The following DOCK2 variants were observed in gnomAD, a reference collection of about 807,000 sequenced individuals.
The protein encoded by DOCK2 is dedicator of cytokinesis protein 2.
DOCK2 carries 87 observed loss-of-function variants against 248.9 expected under a neutral mutation model. That is an observed-to-expected ratio of 0.35 (90% CI 0.29 to 0.42). DOCK2 has a LOEUF of 0.42. Ranked by LOEUF, DOCK2 falls within the 10% of genes least tolerant of loss-of-function variation. The pLI is 1.00. For synonymous variants in DOCK2, 805 were observed against 821.6 expected, an observed-to-expected ratio of 0.98 and a Z score of 0.35; for missense variants, 1,747 against 2,300.2, an observed-to-expected ratio of 0.76 and a Z score of 4.92.
intron 26 of DOCK2, among the ~76,000 whole-genome samples, chr5:169,831,868 A>G (rs999698119): frequency 6.6e-6 from 1 of 152,230 alleles, no homozygotes; most frequent in African/African-American, 2.4e-5. Flanking sequence ...GTCAAGGTCA[A>G]TGACCAACAA....
intron 44 of DOCK2, among the ~76,000 whole-genome samples, chr5:170,062,128 T>TGTGTGTGTGTGAGA (rs778077276): frequency 8.7e-5 from 12 of 137,916 alleles, no homozygotes; most frequent in Middle Eastern, 3.8e-3. Context: ...TGTGTGTGTG[T>TGTGTGTGTGTGAGA]GAGAGAGAGA....
At chr5:169,972,582 TAGATGATA>T (rs747225282) in intron 27 of DOCK2, among the ~76,000 whole-genome samples, 860 of 61,442 alleles carry the variant, frequency 0.014, 2 homozygotes, top group African/African-American at 0.032. Flanking sequence ...GATAGATAGA[TAGATGATA>T]GATAGATAGA....
intron 34 of DOCK2, among the ~76,000 whole-genome samples, chr5:170,028,232 G>A (rs1435708694): frequency 1.3e-5 from 2 of 152,192 alleles, no homozygotes; most frequent in African/African-American, 4.8e-5. Flanking sequence ...TCTTAACTGT[G>A]GAATGTGATT....
chr5:170,063,007 C>T (rs1033367240), intron 44 of DOCK2, among the ~76,000 whole-genome samples: 1 of 152,196 alleles, frequency 6.6e-6, no homozygotes, highest in Admixed American at 6.5e-5. Context: ...TTAATCTCTC[C>T]TGGAAGGAGT....
intron 50 of DOCK2, 26 bp from the exon 51 acceptor site, chr5:170,081,816 A>G: frequency 6.8e-7 from 1 of 1,476,028 alleles, no homozygotes; most frequent in Non-Finnish European, 9.0e-7. Flanking sequence ...CCACCCATTC[A>G]CACCCCAGCT....
At chr5:169,682,368 C>A (rs1371190547) in intron 7 of DOCK2, among the ~76,000 whole-genome samples, 1 of 152,206 alleles carries the variant, frequency 6.6e-6, no homozygotes, top group African/African-American at 2.4e-5. Flanking sequence ...GAGGGCACAG[C>A]AGGTGCAAAG....
chr5:169,674,204 T>C, intron 5 of DOCK2, 93 bp from the exon 6 acceptor site: 2 of 1,519,688 alleles, frequency 1.3e-6, no homozygotes, highest in Admixed American at 3.8e-5. Context: ...GCCATGGCCC[T>C]TGACCACACT....
chr5:169,932,397 A>G (rs1372088584), intron 27 of DOCK2, among the ~76,000 whole-genome samples: 2 of 152,142 alleles, frequency 1.3e-5, no homozygotes. Flanking sequence ...CAGGTAGGTG[A>G]CATGAAGTAG....
rs1554127501 is a variant in DOCK2 at position 170,034,459 on chromosome 5, C to T, written c.3528C>T (p.Asn1176=). ...TIAKSVENFV[N]LVKGLLEKLL... The stretch of plus-strand genomic sequence containing the variant: ...CCAAGTCGGTGGAGAACTTCGTGAA[C>T]CTGGTCAAAGGCCTCCTGGAGAAGC... Residue 1176 remains asparagine, a synonymous_variant, in exon 35 of 52, where the codon AAC becomes AAT. Transcript: ENST00000520908. 6.2e-7 allele frequency: 1 copy of T among 1,614,166 alleles called. No homozygotes were observed. Among genetic ancestry groups the T allele is most frequent in the Non-Finnish European group, 8.5e-7 (1 of 1,180,022 alleles).
At position 169,950,032 on chromosome 5, in the gene DOCK2, T is replaced by G. The variant is rs368406048; in HGVS notation, c.2800-33036T>G. ...GTTCTGCGTTTGAGGGGATCACAGATGCTTCCCACTGAGGGATCCAGTGCC... is the reference window on the plus strand; with the variant it reads ...GTTCTGCGTTTGAGGGGATCACAGAGGCTTCCCACTGAGGGATCCAGTGCC... On this transcript the variant is annotated intron_variant, in intron 27 of 51. Coordinates refer to ENST00000520908, the MANE Select transcript of DOCK2 (RefSeq NM_004946.3). Among the ~76,000 whole-genome samples, 279 of 152,334 alleles carry G rather than the reference T, an allele frequency of 1.8e-3. 6 individuals carry two copies. In the South Asian group the frequency reaches 0.048, roughly 26 times the overall value.
intron 25 of DOCK2, among the ~76,000 whole-genome samples, chr5:169,795,161 C>T (rs1019842046): frequency 6.6e-6 from 1 of 151,948 alleles, no homozygotes; most frequent in Non-Finnish European, 1.5e-5. Context: ...TCACTTTTTA[C>T]GTTCAATATA....
At chr5:169,679,871 T>C (rs1759560724) in intron 6 of DOCK2, among the ~76,000 whole-genome samples, 1 of 152,214 alleles carries the variant, frequency 6.6e-6, no homozygotes, top group African/African-American at 2.4e-5. Context: ...GAAGACTTAG[T>C]TTCCTTCATT....
chr5:169,773,954 A>G (rs1374724429), intron 25 of DOCK2, among the ~76,000 whole-genome samples: 1 of 152,104 alleles, frequency 6.6e-6, no homozygotes, highest in Non-Finnish European at 1.5e-5. Context: ...GCCCCCTGCC[A>G]TTATTGTGAG....
At chr5:170,027,564 A>G (rs1224086646) in intron 33 of DOCK2, among the ~76,000 whole-genome samples, 2 of 152,132 alleles carry the variant, frequency 1.3e-5, no homozygotes, top group African/African-American at 2.4e-5. Flanking sequence ...CTCAAATAAC[A>G]TGAGTTGTGA....
chr5:169,782,426 C>G (rs1434479737), intron 25 of DOCK2, among the ~76,000 whole-genome samples: 1 of 151,820 alleles, frequency 6.6e-6, no homozygotes, highest in African/African-American at 2.4e-5. Context: ...ATCTCCAGGC[C>G]TAAAGCTGAC....
intron 15 of DOCK2, 132 bp from the exon 16 acceptor site, chr5:169,711,803 A>T: frequency 1.2e-6 from 1 of 840,172 alleles, no homozygotes. Flanking sequence ...CATCAGCCTC[A>T]ATGGATGGGT....
At chr5:170,075,812 C>T (rs921498814) in intron 46 of DOCK2, 135 bp from the exon 47 acceptor site, 3 of 1,147,460 alleles carry the variant, frequency 2.6e-6, no homozygotes, top group African/African-American at 3.1e-5. Flanking sequence ...ACCGTGTGTG[C>T]AGGTTTCTGA....
chr5:169,779,268 A>T (rs1353393274), intron 25 of DOCK2: 3 of 152,258 alleles, frequency 2.0e-5, no homozygotes, highest in African/African-American at 7.2e-5. Flanking sequence ...CCCCTGGTTC[A>T]GCTTTTTCTG....
intron 5 of DOCK2, among the ~76,000 whole-genome samples, chr5:169,673,946 G>A (rs1234356910): frequency 6.6e-6 from 1 of 152,188 alleles, no homozygotes; most frequent in Non-Finnish European, 1.5e-5. Flanking sequence ...CAGAGAAATG[G>A]CCCTGGCTCC....
Sources: gnomAD v4.1 joint callset for allele counts (sites outside exome capture counted in the v4.1 genomes callset) on GRCh38, gnomAD v4.1.1 for gene constraint, MANE v1.5 for transcripts, NCBI Gene and HGNC (gene_info 2026-07-23, HGNC 2026-07-21) for gene names.